POTEJ: variants seen among roughly 807,000 people sequenced by gnomAD.
POTEJ encodes POTE ankyrin domain family, member J.
Under a neutral mutation model 69.0 loss-of-function variants are expected in POTEJ, and 11 were observed. That is an observed-to-expected ratio of 0.16 (90% CI 0.10 to 0.26). POTEJ has a LOEUF of 0.26. Ranked by LOEUF, POTEJ falls within the 10% of genes least tolerant of loss-of-function variation. POTEJ has a pLI of 1.00. For missense variants in POTEJ, 327 were observed against 1,045.5 expected (o/e 0.31, Z 9.48); for synonymous variants, 117 against 381.1 (o/e 0.31, Z 8.07).
At chr2:130,655,737 A>G (rs1051968894) in intron 14 of POTEJ, among the ~76,000 whole-genome samples, 1 of 147,050 alleles carries the variant, frequency 6.8e-6, no homozygotes, top group Non-Finnish European at 1.5e-5. Context: ...TTTACCATTC[A>G]TATTTTGAAA....
chr2:130,629,498 C>G (rs1415052526), intron 6 of POTEJ, among the ~76,000 whole-genome samples: 3 of 140,334 alleles, frequency 2.1e-5, no homozygotes, highest in Non-Finnish European at 4.6e-5. Context: ...GGAGCCCATA[C>G]CTGTGGGCTC....
rs983020122 is a variant in POTEJ, at chr2:130,638,107, G to A, written c.1299-512G>A. On this transcript the variant is annotated intron_variant, in intron 9 of 14. Coordinates refer to ENST00000409602, the MANE Select transcript of POTEJ (RefSeq NM_001277083.2). Reference sequence around the variant, plus strand: ...ATATTAGAACCTATGAACAAAATTCGCACTGGGTTTTATTTGGGATTCCAA... The same window carrying A: ...ATATTAGAACCTATGAACAAAATTCACACTGGGTTTTATTTGGGATTCCAA... Among the ~76,000 whole-genome samples, 6 of 149,310 alleles carry A rather than the reference G, an allele frequency of 4.0e-5. No homozygotes were observed. The South Asian group carries it at 6.3e-4, about 16-fold the overall frequency.
chr2:130,648,942 G>A (rs1291202408), intron 13 of POTEJ, among the ~76,000 whole-genome samples: 11 of 119,502 alleles, frequency 9.2e-5, no homozygotes, highest in African/African-American at 2.8e-4. Flanking sequence ...ACAGGTGTGC[G>A]ACACCACGCC....
At chr2:130,648,051 A>G (rs1390212827) in intron 13 of POTEJ, among the ~76,000 whole-genome samples, 2 of 148,298 alleles carry the variant, frequency 1.3e-5, no homozygotes, top group African/African-American at 4.9e-5. Flanking sequence ...ACTGTGATCA[A>G]TTACTTCATA....
intron 6 of POTEJ, among the ~76,000 whole-genome samples, chr2:130,625,550 G>A (rs1352329484): frequency 6.6e-6 from 1 of 151,494 alleles, no homozygotes; most frequent in Non-Finnish European, 1.5e-5. Context: ...AGCATGCAGA[G>A]AGAGAAGAAT....
intron 13 of POTEJ, among the ~76,000 whole-genome samples, chr2:130,649,401 G>A (rs1207322907): frequency 1.3e-5 from 2 of 152,236 alleles, no homozygotes; most frequent in African/African-American, 2.4e-5. Flanking sequence ...TAATCTCTCA[G>A]TAAATCTTGT....
intron 6 of POTEJ, among the ~76,000 whole-genome samples, chr2:130,626,973 C>T (rs1685734178): frequency 2.0e-5 from 3 of 152,140 alleles, no homozygotes. Context: ...GAATATAAAG[C>T]AGAGGCAGAA....
At chr2:130,633,656 C>T (rs1413562594) in intron 9 of POTEJ, among the ~76,000 whole-genome samples, 1 of 146,932 alleles carries the variant, frequency 6.8e-6, no homozygotes, top group Non-Finnish European at 1.5e-5. Flanking sequence ...TATATTGACG[C>T]TGTACCTTGT....
chr2:130,633,038 C>T (rs1185310247), intron 9 of POTEJ, among the ~76,000 whole-genome samples: 4 of 145,614 alleles, frequency 2.7e-5, no homozygotes, highest in African/African-American at 8.0e-5. Context: ...ATCTCCCTCC[C>T]GCGACGCTCC....
chr2:130,628,819 G>A (rs1326416597), intron 6 of POTEJ, among the ~76,000 whole-genome samples: 1 of 149,918 alleles, frequency 6.7e-6, no homozygotes, highest in Non-Finnish European at 1.5e-5. Flanking sequence ...CAAAAGATCA[G>A]GACCATCATG....
intron 9 of POTEJ, among the ~76,000 whole-genome samples, chr2:130,638,058 T>C (rs974234248): frequency 6.7e-6 from 1 of 148,442 alleles, no homozygotes; most frequent in African/African-American, 2.5e-5. Flanking sequence ...CTTAATAACG[T>C]TTCCTGAAAA....
intron 13 of POTEJ, among the ~76,000 whole-genome samples, chr2:130,649,919 G>C (rs1455536994): frequency 4.6e-5 from 7 of 152,062 alleles, no homozygotes; most frequent in Non-Finnish European, 8.8e-5. Context: ...AAGAAAAAGG[G>C]TAAAAAGAAA....
intron 9 of POTEJ, among the ~76,000 whole-genome samples, chr2:130,637,551 C>G (rs1385016278): frequency 2.0e-5 from 3 of 151,962 alleles, no homozygotes; most frequent in African/African-American, 7.3e-5. Flanking sequence ...TGGTGTGAAT[C>G]AAAGCAGAAT....
At chr2:130,624,165 C>A in intron 6 of POTEJ, 31 bp downstream of exon 6, 1 of 1,338,630 alleles carries the variant, frequency 7.5e-7, no homozygotes, top group Non-Finnish European at 1.0e-6. Context: ...TTACTTTAGT[C>A]AGTTGTCCCC....
At chr2:130,640,679 C>T (rs1401387581) in intron 10 of POTEJ, among the ~76,000 whole-genome samples, 1 of 151,866 alleles carries the variant, frequency 6.6e-6, no homozygotes, top group Non-Finnish European at 1.5e-5. Flanking sequence ...AACTTAGAAG[C>T]ATGCAAGGGG....
At chr2:130,611,264 GT>G (rs1272414219), upstream of POTEJ, among the ~76,000 whole-genome samples, 2 of 131,496 alleles carry the variant, frequency 1.5e-5, no homozygotes, top group African/African-American at 3.2e-5. Context: ...TCTCTGCTGG[GT>G]TTGGCATTCC....
intron 13 of POTEJ, among the ~76,000 whole-genome samples, chr2:130,646,535 T>A (rs1686584815): frequency 7.1e-6 from 1 of 141,418 alleles, no homozygotes; most frequent in Non-Finnish European, 1.5e-5. Context: ...GGAAAAGGCA[T>A]TTTCTTCTCT....
intron 6 of POTEJ, among the ~76,000 whole-genome samples, chr2:130,627,668 T>C (rs200344803): frequency 0.084 from 5,749 of 68,498 alleles, 1 homozygote; most frequent in African/African-American, 0.11. Flanking sequence ...AACAAAGCAA[T>C]ATATAAATAA....
At chr2:130,648,224 G>T (rs1233271091) in intron 13 of POTEJ, among the ~76,000 whole-genome samples, 66 of 146,290 alleles carry the variant, frequency 4.5e-4, no homozygotes, top group African/African-American at 1.6e-3. Flanking sequence ...TAAAACCTTG[G>T]TCTGACATTT....
Sources: gnomAD v4.1 joint callset for allele counts (sites outside exome capture counted in the v4.1 genomes callset) on GRCh38, gnomAD v4.1.1 for gene constraint, MANE v1.5 for transcripts, NCBI Gene and HGNC (gene_info 2026-07-23, HGNC 2026-07-21) for gene names.